The following GPC6 variants were observed in gnomAD, a reference collection of about 807,000 sequenced individuals.
GPC6 encodes glypican 6.
A neutral mutation model predicts 55.2 loss-of-function variants in GPC6; 14 were observed. The ratio of observed to expected loss-of-function variants is 0.25; its 90% CI spans 0.17 to 0.40. The LOEUF (loss-of-function observed/expected upper bound fraction) is 0.40, where lower values mean the gene tolerates loss of function less well. Among genes scored for constraint, GPC6 ranks in the 10% least tolerant of loss-of-function variants. The pLI is 1.00. For synonymous variants in GPC6, 278 were observed against 259.6 expected, an observed-to-expected ratio of 1.07 and a Z score of -0.68; for missense variants, 641 against 708.5, an observed-to-expected ratio of 0.90 and a Z score of 1.08.
intron 4 of GPC6, among the ~76,000 whole-genome samples, chr13:94,157,368 G>C (rs1269848255): frequency 5.3e-5 from 8 of 152,154 alleles, no homozygotes; most frequent in Admixed American, 6.5e-5. Flanking sequence ...GGAGAATAAA[G>C]AGAAAGAACA....
chr13:93,961,897 T>C (rs2140384395), intron 3 of GPC6, among the ~76,000 whole-genome samples: 1 of 152,338 alleles, frequency 6.6e-6, no homozygotes, highest in South Asian at 2.1e-4. Context: ...TACTAAAATC[T>C]TTGAGCCGTC....
intron 2 of GPC6, among the ~76,000 whole-genome samples, chr13:93,792,679 A>G (rs562918622): frequency 6.6e-6 from 1 of 152,306 alleles, no homozygotes; most frequent in African/African-American, 2.4e-5. Flanking sequence ...GAGGCTTTGT[A>G]GGGGAAAACG....
At chr13:94,353,326 A>AT (rs1470503392) in intron 6 of GPC6, among the ~76,000 whole-genome samples, 2 of 152,138 alleles carry the variant, frequency 1.3e-5, no homozygotes, top group South Asian at 4.2e-4. Context: ...CCAAAACCTA[A>AT]TTTTTTTAGA....
intron 3 of GPC6, among the ~76,000 whole-genome samples, chr13:93,943,424 C>T (rs1878833434): frequency 6.6e-6 from 1 of 152,138 alleles, no homozygotes; most frequent in Non-Finnish European, 1.5e-5. Flanking sequence ...TATCCCTCAT[C>T]TTACTCTCAC....
intron 1 of GPC6, among the ~76,000 whole-genome samples, chr13:93,297,061 G>A (rs549208472): frequency 6.6e-6 from 1 of 152,128 alleles, no homozygotes; most frequent in African/African-American, 2.4e-5. Context: ...AGCTTCAGCC[G>A]CCAGATGCGT....
At chr13:93,689,640 A>G (rs1332339942) in intron 2 of GPC6, among the ~76,000 whole-genome samples, 1 of 152,044 alleles carries the variant, frequency 6.6e-6, no homozygotes, top group East Asian at 1.9e-4. Context: ...CCTATTTCCC[A>G]TTTTTCTCTG....
At chr13:93,601,451 C>G (rs1594302126) in intron 2 of GPC6, among the ~76,000 whole-genome samples, 1 of 152,224 alleles carries the variant, frequency 6.6e-6, no homozygotes, top group Non-Finnish European at 1.5e-5. Context: ...TTACTTCATA[C>G]TTTCGAATAG....
chr13:93,451,994 A>G (rs922460567), intron 1 of GPC6, among the ~76,000 whole-genome samples: 3 of 152,232 alleles, frequency 2.0e-5, no homozygotes, highest in African/African-American at 7.2e-5. Flanking sequence ...ATAAAAAATA[A>G]TAATAGCAAA....
At chr13:93,422,562 G>T (rs1348093473) in intron 1 of GPC6, among the ~76,000 whole-genome samples, 1 of 152,130 alleles carries the variant, frequency 6.6e-6, no homozygotes, top group East Asian at 1.9e-4. Context: ...ATATGGTGTG[G>T]TTCCTTTCAG....
At chr13:93,530,476 G>A (rs944513785) in intron 1 of GPC6, among the ~76,000 whole-genome samples, 2 of 152,128 alleles carry the variant, frequency 1.3e-5, no homozygotes, top group Non-Finnish European at 1.5e-5. Context: ...TAGTGGAAAT[G>A]CGGACTCTCT....
At chr13:94,002,195 C>T (rs1393968586) in intron 3 of GPC6, among the ~76,000 whole-genome samples, 3 of 151,872 alleles carry the variant, frequency 2.0e-5, no homozygotes, top group Non-Finnish European at 4.4e-5. Flanking sequence ...AAGGTAAATG[C>T]ACTAAGAAAA....
intron 4 of GPC6, among the ~76,000 whole-genome samples, chr13:94,226,260 A>C (rs1890554711): frequency 6.6e-6 from 1 of 152,182 alleles, no homozygotes; most frequent in Admixed American, 6.5e-5. Flanking sequence ...AAGATGCAAA[A>C]TGTGAGACAA....
intron 2 of GPC6, among the ~76,000 whole-genome samples, chr13:93,789,558 TTAA>T (rs1885937561): frequency 2.5e-5 from 3 of 117,772 alleles, no homozygotes; most frequent in Non-Finnish European, 5.2e-5. Context: ...AGGGACTTAG[TTAA>T]TAATATATAT....
intron 2 of GPC6, among the ~76,000 whole-genome samples, chr13:93,596,513 A>G (rs1300371672): frequency 1.3e-5 from 2 of 151,662 alleles, no homozygotes; most frequent in Non-Finnish European, 2.9e-5. Context: ...ATCCTCGACA[A>G]CGTAATGTTG....
At chr13:93,928,666 A>G (rs1337715605) in intron 3 of GPC6, among the ~76,000 whole-genome samples, 1 of 152,178 alleles carries the variant, frequency 6.6e-6, no homozygotes, top group Non-Finnish European at 1.5e-5. Context: ...AACCAAAGCC[A>G]GTACTCATTT....
At chr13:93,265,275 C>T (rs1274928693) in intron 1 of GPC6, among the ~76,000 whole-genome samples, 1 of 152,110 alleles carries the variant, frequency 6.6e-6, no homozygotes, top group Non-Finnish European at 1.5e-5. Flanking sequence ...ATTTAAGTTT[C>T]CTTTTATGTA....
chr13:93,756,060 G>A (rs1884758550), intron 2 of GPC6, among the ~76,000 whole-genome samples: 1 of 152,054 alleles, frequency 6.6e-6, no homozygotes, highest in African/African-American at 2.4e-5. Context: ...ATATTTTGTT[G>A]GCATTCTATC....
At chr13:93,536,903 C>G (rs1237051768) in intron 1 of GPC6, among the ~76,000 whole-genome samples, 1 of 152,098 alleles carries the variant, frequency 6.6e-6, no homozygotes, top group East Asian at 1.9e-4. Context: ...TATACGGAAG[C>G]CTTTTAAAGT....
intron 5 of GPC6, among the ~76,000 whole-genome samples, chr13:94,288,980 A>G (rs1182678115): frequency 1.6e-5 from 2 of 127,758 alleles, no homozygotes; most frequent in African/African-American, 6.3e-5. Context: ...GATAATATAT[A>G]TATGTATTTG....
Sources: gnomAD v4.1 joint callset for allele counts (sites outside exome capture counted in the v4.1 genomes callset) on GRCh38, gnomAD v4.1.1 for gene constraint, MANE v1.5 for transcripts, NCBI Gene and HGNC (gene_info 2026-07-23, HGNC 2026-07-21) for gene names.